Variants in PLCG2 observed in about 807,000 individuals in gnomAD.
The protein encoded by PLCG2 is 1-phosphatidylinositol 4,5-bisphosphate phosphodiesterase gamma-2.
PLCG2 carries 69 observed loss-of-function variants against 175.6 expected under a neutral mutation model. The ratio of observed to expected loss-of-function variants is 0.39; its 90% CI spans 0.32 to 0.48. PLCG2 has a LOEUF of 0.48. PLCG2 is among the 20% of genes least tolerant of loss of function. PLCG2 has a pLI of 0.91. For missense variants in PLCG2, 1,798 were observed against 1,650.9 expected (o/e 1.09, Z -1.54); for synonymous variants, 827 against 624.0 (o/e 1.33, Z -4.85).
At chr16:81,894,621 C>T (rs1172394919) in intron 12 of PLCG2, among the ~76,000 whole-genome samples, 1 of 152,182 alleles carries the variant, frequency 6.6e-6, no homozygotes, top group Non-Finnish European at 1.5e-5. Flanking sequence ...GCCTGTAATC[C>T]CAGCACTGTG....
rs775811698 is a variant in PLCG2, at chr16:81,858,243, GT to G, written c.338-18del. On this transcript the variant is annotated intron_variant, in intron 3 of 32. Coordinates refer to ENST00000564138, the MANE Select transcript of PLCG2 (RefSeq NM_002661.5). The stretch of plus-strand genomic sequence containing the variant: ...TCCCAGGAATTAACACAGCATTTCT[GT>G]TCCCTTTCTCCACTCCAGCTGACTC... 7.5e-5 allele frequency: 117 copies of G among 1,551,670 alleles called. No individual in the cohort carries two copies. Among genetic ancestry groups the G allele is most frequent in the Non-Finnish European group, 1.0e-4 (114 of 1,123,128 alleles).
chr16:81,893,596 G>T, intron 11 of PLCG2, 113 bp from the exon 12 acceptor site: 1 of 699,252 alleles, frequency 1.4e-6, no homozygotes, highest in South Asian at 1.5e-5. Context: ...GAAGAACTCA[G>T]AGCTTTGGCG....
intron 18 of PLCG2, among the ~76,000 whole-genome samples, chr16:81,911,103 T>G (rs1909602193): frequency 6.6e-6 from 1 of 152,154 alleles, no homozygotes; most frequent in South Asian, 2.1e-4. Flanking sequence ...ATTTTTTTTA[T>G]CTAGTGAAAT....
In PLCG2 at chr16:81,827,910, G is replaced by T. The variant is rs141404588; in HGVS notation, c.194-26534G>T. Among the ~76,000 whole-genome samples the T allele has an allele frequency of 1.7e-3, 253 of 152,082 alleles. 1 individual carries two copies. The highest frequency in any genetic ancestry group is 5.6e-3 in the African/African-American group (233 of 41,482). ...GTTCAAGTCCAACCTGATCAACATG[G>T]AGAAACCCCGTCTCTACTAAAAATA... On this transcript the variant is annotated intron_variant, in intron 2 of 32. Coordinates refer to ENST00000564138, the MANE Select transcript of PLCG2 (RefSeq NM_002661.5).
rs866837947 is a variant in PLCG2 at position 81,867,126 on chromosome 16, G to A, written c.480-2088G>A. Among the ~76,000 whole-genome samples, 43 of 152,362 alleles carry A rather than the reference G, an allele frequency of 2.8e-4. 1 individual carries two copies. The highest frequency in any genetic ancestry group is 1.0e-3 in the African/African-American group (42 of 41,590). ...CTTAGAACCAGAGGAAAGGCTGGAG[G>A]TGGGGACACAGGATGGCCAGAGTCA... is the stretch of plus-strand genomic sequence containing the variant. On this transcript the variant is annotated intron_variant, in intron 5 of 32. Coordinates refer to ENST00000564138, the MANE Select transcript of PLCG2 (RefSeq NM_002661.5).
At chr16:81,784,337 A>T (rs758350773) in intron 1 of PLCG2, among the ~76,000 whole-genome samples, 9 of 152,242 alleles carry the variant, frequency 5.9e-5, no homozygotes, top group Non-Finnish European at 1.3e-4. Context: ...TAAATGCTGC[A>T]GGCTGTGCAT....
At position 81,946,219 on chromosome 16, in the gene PLCG2, G is replaced by C. The variant is rs1911143041; in HGVS notation, c.3526G>C (p.Glu1176Gln). Reference protein sequence around the residue: ...PLKNGYSEDIELASLLVFCEM... With the variant: ...PLKNGYSEDIQLASLLVFCEM... ...GAAGAATGGGTACAGCGAGGACATA[G>C]AGCTGGCTTCCCTCCTGGTTTTCTG... The change falls in exon 31 of 33, where the codon GAG becomes CAG. Residue 1176 changes from glutamate to glutamine, a missense_variant. By Grantham distance (29) the Glu-to-Gln change is conservative (BLOSUM62 2). Transcript: ENST00000564138. The C allele has an allele frequency of 3.7e-6, 6 of 1,614,006 alleles. No homozygotes were observed. The highest frequency in any genetic ancestry group is 1.1e-5 in the South Asian group (1 of 91,078).
intron 26 of PLCG2, among the ~76,000 whole-genome samples, chr16:81,934,835 A>G (rs1273216199): frequency 1.3e-5 from 2 of 152,126 alleles, no homozygotes; most frequent in Admixed American, 1.3e-4. Context: ...GCAGCAGAGG[A>G]GAGAGAATGA....
chr16:81,920,071 C>G (rs964692307), intron 20 of PLCG2, among the ~76,000 whole-genome samples: 10 of 152,136 alleles, frequency 6.6e-5, no homozygotes, highest in Non-Finnish European at 1.5e-4. Context: ...GAGGTAGAAG[C>G]CTGCCTGGAG....
In PLCG2 at chr16:81,936,175, C is replaced by A. The variant is rs1163645679; in HGVS notation, c.2849C>A (p.Pro950His). Reference sequence around the variant, plus strand: ...CCTTTTTCTCTGTGTGCAGAAAATCCTGACTTCCGAGAAATCCGCTCCTTT... The same window carrying A: ...CCTTTTTCTCTGTGTGCAGAAAATCATGACTTCCGAGAAATCCGCTCCTTT... ...TSKTKDNLENPDFREIRSFVE... is the reference protein window; with the variant it reads ...TSKTKDNLENHDFREIRSFVE... Residue 950 changes from proline to histidine, a missense_variant, in exon 27 of 33, where the codon CCT becomes CAT. Coordinates refer to ENST00000564138, the MANE Select transcript of PLCG2 (RefSeq NM_002661.5). 1 of 1,613,856 alleles carries A rather than the reference C, an allele frequency of 6.2e-7. No individual in the cohort carries two copies. Among genetic ancestry groups the A allele is most frequent in the Non-Finnish European group, 8.5e-7 (1 of 1,180,036 alleles).
In PLCG2 at chr16:81,959,301, C is replaced by A. The variant is rs4286103; in HGVS notation, c.*1303C>A. 2.3e-4 allele frequency: 51 copies of A among 222,572 alleles called. No individual in the cohort carries two copies. The highest frequency in any genetic ancestry group is 1.1e-3 in the African/African-American group (49 of 44,736). 13.8% of individuals were successfully genotyped at this position (222,572 alleles called of 1,614,324 possible). ...CCCATCTGACCCTCCTCTTGTTACC[C>A]GAAATGCTGGGCTTAGTATGCATGT... is the stretch of plus-strand genomic sequence containing the variant. On this transcript the variant is annotated 3_prime_UTR_variant, in exon 33 of 33. Transcript: ENST00000564138.
chr16:81,802,450 C>T (rs1597326725), intron 2 of PLCG2, among the ~76,000 whole-genome samples: 2 of 151,856 alleles, frequency 1.3e-5, no homozygotes, highest in South Asian at 4.2e-4. Context: ...GTACTTCCAG[C>T]TTTTGCTACC....
chr16:81,902,183 T>C, intron 14 of PLCG2, among the ~76,000 whole-genome samples: 1 of 152,216 alleles, frequency 6.6e-6, no homozygotes, highest in East Asian at 1.9e-4. Flanking sequence ...CTGAAGTCCC[T>C]AGCGGGGCAG....
intron 26 of PLCG2, among the ~76,000 whole-genome samples, chr16:81,935,092 C>T (rs1348783512): frequency 6.6e-6 from 1 of 152,156 alleles, no homozygotes; most frequent in African/African-American, 2.4e-5. Flanking sequence ...AACTTGGTGG[C>T]TGAAAACAAC....
At chr16:81,796,751 G>A (rs938704394) in intron 2 of PLCG2, among the ~76,000 whole-genome samples, 1 of 152,190 alleles carries the variant, frequency 6.6e-6, no homozygotes, top group Non-Finnish European at 1.5e-5. Flanking sequence ...TCTGAGTCAT[G>A]CATCTGCAAG....
chr16:81,884,917 T>G (rs890235048), intron 9 of PLCG2, among the ~76,000 whole-genome samples: 5 of 152,118 alleles, frequency 3.3e-5, no homozygotes, highest in African/African-American at 1.2e-4. Context: ...AAGGTCTCAC[T>G]CACCCCCTTG....
chr16:81,840,393 A>G (rs1224473563), intron 2 of PLCG2, among the ~76,000 whole-genome samples: 1 of 152,194 alleles, frequency 6.6e-6, no homozygotes, highest in Non-Finnish European at 1.5e-5. Flanking sequence ...TGTGAGGATG[A>G]TTCAAGGGCA....
At chr16:81,800,434 C>G (rs1228478648) in intron 2 of PLCG2, among the ~76,000 whole-genome samples, 2 of 152,148 alleles carry the variant, frequency 1.3e-5, no homozygotes, top group African/African-American at 4.8e-5. Flanking sequence ...TCTCATTGAT[C>G]AGCTCCCACT....
intron 2 of PLCG2, among the ~76,000 whole-genome samples, chr16:81,833,405 C>A (rs111634911): frequency 6.6e-6 from 1 of 151,700 alleles, no homozygotes; most frequent in South Asian, 2.1e-4. Flanking sequence ...TATTCTGGCC[C>A]GGGGTGGCCG....
Sources: gnomAD v4.1 joint callset for allele counts (sites outside exome capture counted in the v4.1 genomes callset) on GRCh38, gnomAD v4.1.1 for gene constraint, MANE v1.5 for transcripts, NCBI Gene and HGNC (gene_info 2026-07-23, HGNC 2026-07-21) for gene names.